The following NCBP1 variants were observed in gnomAD, a reference collection of about 807,000 sequenced individuals.
The protein encoded by NCBP1 is nuclear cap binding protein subunit 1.
A neutral mutation model predicts 111.7 loss-of-function variants in NCBP1; 16 were observed. The observed-to-expected ratio is 0.14, with a 90% CI of 0.10 to 0.22. NCBP1 has a LOEUF of 0.22. Ranked by LOEUF, NCBP1 falls within the 10% of genes least tolerant of loss-of-function variation. NCBP1 has a pLI of 1.00. For missense variants in NCBP1, 607 were observed against 957.5 expected (o/e 0.63, Z 4.83); for synonymous variants, 304 against 314.3 (o/e 0.97, Z 0.35).
chr9:97,668,095 G>A (rs937164640), intron 20 of NCBP1, among the ~76,000 whole-genome samples: 2 of 152,106 alleles, frequency 1.3e-5, no homozygotes, highest in Non-Finnish European at 2.9e-5. Context: ...TATTAACCTC[G>A]AAGAATTACC....
intron 19 of NCBP1, 102 bp downstream of exon 19, chr9:97,664,545 T>A: frequency 4.2e-6 from 3 of 714,228 alleles, no homozygotes; most frequent in African/African-American, 1.8e-5. Flanking sequence ...AGGTTGATAT[T>A]AATATACTAA....
intron 4 of NCBP1, 28 bp downstream of exon 4, chr9:97,643,388 AT>A: frequency 6.4e-7 from 1 of 1,551,406 alleles, no homozygotes; most frequent in Non-Finnish European, 8.7e-7. Context: ...TTGGTATGTT[AT>A]GACTACTGTT....
chr9:97,660,886 T>C, intron 15 of NCBP1, 60 bp from the exon 16 acceptor site: 1 of 1,528,372 alleles, frequency 6.5e-7, no homozygotes, highest in Admixed American at 2.2e-5. Context: ...ATTTAACTGT[T>C]CATTAGAATA....
intron 15 of NCBP1, among the ~76,000 whole-genome samples, chr9:97,659,457 GT>G (rs1827768747): frequency 6.6e-6 from 1 of 152,090 alleles, no homozygotes; most frequent in Admixed American, 6.5e-5. Context: ...GACTGTACCT[GT>G]TTTCCTTGAA....
Position 97,666,876 on chromosome 9 carries a change from G to T in NCBP1, c.2015G>T (p.Arg672Leu). 6.3e-7 allele frequency: 1 copy of T among 1,586,346 alleles called. No homozygotes were observed. Among genetic ancestry groups the T allele is most frequent in the Non-Finnish European group, 8.6e-7 (1 of 1,166,074 alleles). ...GAGAAACTTGCTAGGCAACACAAACGGGTAAGTTTTGTGTAAACTTGTAAG... is the reference window on the plus strand; with the variant it reads ...GAGAAACTTGCTAGGCAACACAAACTGGTAAGTTTTGTGTAAACTTGTAAG... Reference protein sequence around the residue: ...AKEKLARQHKRRSDDDDRSSD... With the variant: ...AKEKLARQHKLRSDDDDRSSD... Residue 672 changes from arginine to leucine, a missense_variant and splice_region_variant, in exon 20 of 23, where the codon CGG becomes CTG. Physicochemically the swap from Arg to Leu is moderately radical, Grantham distance 102 (BLOSUM62 -2). Coordinates refer to ENST00000375147, the MANE Select transcript of NCBP1 (RefSeq NM_002486.5).
chr9:97,653,691 A>C (rs1827560950), intron 10 of NCBP1, 107 bp from the exon 11 acceptor site: 1 of 729,432 alleles, frequency 1.4e-6, no homozygotes, highest in African/African-American at 1.8e-5. Context: ...TTCCATTTTC[A>C]TATGAATGCC....
intron 15 of NCBP1, 121 bp from the exon 16 acceptor site, chr9:97,660,825 A>G: frequency 2.6e-6 from 3 of 1,173,332 alleles, no homozygotes; most frequent in Non-Finnish European, 3.5e-6. Context: ...ACCTTGGGAT[A>G]AAGAGCATCC....
At chr9:97,650,649 T>C in intron 9 of NCBP1, 49 bp downstream of exon 9, 1 of 1,526,356 alleles carries the variant, frequency 6.6e-7, no homozygotes. Context: ...GCAGCAATTT[T>C]GATAATTCAG....
chr9:97,638,619 T>C (rs59567200), intron 1 of NCBP1, among the ~76,000 whole-genome samples: 6,209 of 152,304 alleles, frequency 0.041, 448 homozygotes, highest in African/African-American at 0.14. Flanking sequence ...CAGCTAGTTT[T>C]TCAGCATCTG....
intron 22 of NCBP1, among the ~76,000 whole-genome samples, chr9:97,670,667 A>G (rs1186212041): frequency 6.6e-6 from 1 of 152,218 alleles, no homozygotes; most frequent in Admixed American, 6.5e-5. Context: ...AGAGGAACAC[A>G]TAGACAAGAG....
At chr9:97,643,994 G>T (rs73498331) in intron 4 of NCBP1, among the ~76,000 whole-genome samples, 1,526 of 152,268 alleles carry the variant, frequency 0.01, 26 homozygotes, top group African/African-American at 0.035. Context: ...ATTGTCTACA[G>T]TGAGTGGTCT....
At chr9:97,649,473 C>T (rs1437523514) in intron 8 of NCBP1, among the ~76,000 whole-genome samples, 1 of 152,074 alleles carries the variant, frequency 6.6e-6, no homozygotes, top group African/African-American at 2.4e-5. Flanking sequence ...CCACCTAAGT[C>T]AAATTTGAGT....
intron 10 of NCBP1, among the ~76,000 whole-genome samples, chr9:97,653,443 G>A (rs1827555183): frequency 1.3e-5 from 2 of 152,110 alleles, no homozygotes; most frequent in Admixed American, 1.3e-4. Flanking sequence ...TTATTTATAG[G>A]AATGAAACTG....
At chr9:97,655,831 A>G (rs1224155910) in intron 13 of NCBP1, 67 bp downstream of exon 13, 1 of 1,456,122 alleles carries the variant, frequency 6.9e-7, no homozygotes, top group Non-Finnish European at 9.4e-7. Context: ...ACTGTAACAT[A>G]AAAGTGTCTG....
At chr9:97,643,596 A>T (rs1770568129) in intron 4 of NCBP1, among the ~76,000 whole-genome samples, 1 of 152,122 alleles carries the variant, frequency 6.6e-6, no homozygotes, top group Admixed American at 6.5e-5. Flanking sequence ...ATACCTTACT[A>T]GGAAGTGCCT....
intron 15 of NCBP1, among the ~76,000 whole-genome samples, chr9:97,659,683 G>A (rs182152194): frequency 1.7e-3 from 261 of 152,306 alleles, no homozygotes; most frequent in Admixed American, 3.5e-3. Flanking sequence ...AAAGGTTTAT[G>A]CAGTACTTAG....
intron 14 of NCBP1, among the ~76,000 whole-genome samples, chr9:97,658,168 C>G (rs1350003958): frequency 6.6e-6 from 1 of 151,926 alleles, no homozygotes; most frequent in Non-Finnish European, 1.5e-5. Context: ...GGTGGACACA[C>G]ATCCATCCAT....
At chr9:97,634,333 A>G (rs1564014233) in intron 1 of NCBP1, among the ~76,000 whole-genome samples, 1 of 152,244 alleles carries the variant, frequency 6.6e-6, no homozygotes, top group African/African-American at 2.4e-5. Context: ...GAAGGAAAGG[A>G]CTGAGAGATC....
Position 97,672,806 on chromosome 9 carries a change from TTTA to T in NCBP1, c.*1610_*1612del, listed in dbSNP as rs1828231310. ...AGTAAATATATTTTTTTCTTATGAT[TTTA>T]TTTTCTTTTCTCTAGCTTCATAAGA... On this transcript the variant is annotated 3_prime_UTR_variant, in exon 23 of 23. Coordinates refer to ENST00000375147, the MANE Select transcript of NCBP1 (RefSeq NM_002486.5). 1 of 145,404 alleles carries T rather than the reference TTTA, an allele frequency of 6.9e-6. No homozygotes were observed. Among genetic ancestry groups the T allele is most frequent in the Admixed American group, 6.6e-5 (1 of 15,118 alleles). The allele number at this position is 145,404 out of a possible 1,614,324, so 9.0% of individuals were successfully genotyped here. A position where few individuals can be genotyped will look rare whatever the true frequency, so the allele number is the denominator to read the frequency against.
Sources: allele counts gnomAD v4.1 joint callset (sites outside exome capture counted in the v4.1 genomes callset), GRCh38; gene constraint gnomAD v4.1.1; transcripts MANE v1.5; gene names NCBI Gene and HGNC (gene_info 2026-07-23, HGNC 2026-07-21).